The following TEPSIN variants were observed in gnomAD, a reference collection of about 807,000 sequenced individuals.
TEPSIN encodes TEPSIN adaptor related protein complex 4 accessory protein.
A neutral mutation model predicts 48.5 loss-of-function variants in TEPSIN; 50 were observed. That is an observed-to-expected ratio of 1.03 (90% CI 0.82 to 1.31). The LOEUF (loss-of-function observed/expected upper bound fraction) is 1.31. Ranked by LOEUF, TEPSIN falls within the 50% of genes most tolerant of loss-of-function variation. The pLI, the probability that TEPSIN is intolerant of heterozygous loss-of-function variation, is 0.00. For missense variants in TEPSIN, 838 were observed against 815.9 expected (o/e 1.03, Z -0.33); for synonymous variants, 392 against 358.8 (o/e 1.09, Z -1.05).
At position 81,230,478 on chromosome 17, in the gene TEPSIN, G is replaced by T; in HGVS notation, c.1233+66C>A. 1 of 1,585,774 alleles carries T rather than the reference G, an allele frequency of 6.3e-7. No homozygotes were observed. The highest frequency in any genetic ancestry group is 1.1e-5 in the South Asian group (1 of 89,026). ...GCCGGGCAGGGACGGGGTGGCCGTG[G>T]ACTGCAGCGTATCTCCCACTGTACC... On this transcript the variant is annotated intron_variant, in intron 12 of 12. Coordinates refer to ENST00000637944, the MANE Select transcript of TEPSIN (RefSeq NM_001363764.2). This position sits in a 1 kb window ranked among gnomAD's most constrained non-coding sequence, Gnocchi z 4.2.
At chr17:81,238,698 C>T (rs1286490548) in intron 1 of TEPSIN, 2 of 1,209,704 alleles carry the variant, frequency 1.7e-6, no homozygotes, top group Non-Finnish European at 2.1e-6. Flanking sequence ...TCCTTCCCTC[C>T]CGTCGGAGGC....
chr17:81,230,572 G>A lies in TEPSIN; in HGVS notation c.1205C>T (p.Pro402Leu), dbSNP rs749026874. Residue 402 changes from proline to leucine, a missense_variant, in exon 12 of 13, where the codon CCG becomes CTG. Coordinates refer to ENST00000637944, the MANE Select transcript of TEPSIN (RefSeq NM_001363764.2). This position sits in a 1 kb window ranked among gnomAD's most constrained non-coding sequence, Gnocchi z 4.2. ...GGTGGCCTTGTTGGTCACAGGTCCC[G>A]GGCTGCCCATGCTGAGCTCCTGCAG... ...PWLQELSMGS[P>L]GPVTNKATKI... 1.3e-5 allele frequency: 21 copies of A among 1,611,614 alleles called. No individual in the cohort carries two copies. The highest frequency in any genetic ancestry group is 6.6e-5 in the South Asian group (6 of 90,954).
intron 11 of TEPSIN, chr17:81,231,035 G>A (rs569378533): frequency 4.0e-5 from 19 of 478,182 alleles, no homozygotes; most frequent in Admixed American, 2.0e-4. Context: ...TCCTCCGCAC[G>A]CCCCCCGACA....
rs1351525383 is a variant in TEPSIN at position 81,233,155 on chromosome 17, A to G, written c.526+277T>C. 9.3e-6 allele frequency: 5 copies of G among 535,044 alleles called. No individual in the cohort carries two copies. Among genetic ancestry groups the G allele is most frequent in the Non-Finnish European group, 1.7e-5 (5 of 302,802 alleles). 33.1% of individuals were successfully genotyped at this position (535,044 alleles called of 1,614,324 possible). A position where few individuals can be genotyped will look rare whatever the true frequency, so the allele number is the denominator to read the frequency against. ...AGGGGCACAGCCCTCGGCCCCTCTCAGAGTGGGACTCACCCCTGCCACGGG... is the reference window on the plus strand; with the variant it reads ...AGGGGCACAGCCCTCGGCCCCTCTCGGAGTGGGACTCACCCCTGCCACGGG... On this transcript the variant is annotated intron_variant, in intron 7 of 12. Coordinates refer to ENST00000637944, the MANE Select transcript of TEPSIN (RefSeq NM_001363764.2). This position sits in a 1 kb window ranked among gnomAD's most constrained non-coding sequence, Gnocchi z 5.8.
In TEPSIN at chr17:81,230,535, G is replaced by C; in HGVS notation, c.1233+9C>G. On this transcript the variant is annotated intron_variant, in intron 12 of 12. Coordinates refer to ENST00000637944, the MANE Select transcript of TEPSIN (RefSeq NM_001363764.2). This position sits in a 1 kb window ranked among gnomAD's most constrained non-coding sequence, Gnocchi z 4.2. ...CCCCGGTGTGCGTGTGGCCTCCGCAGCTGCCCACCTTGGTGGCCTTGTTGG... is the reference window on the plus strand; with the variant it reads ...CCCCGGTGTGCGTGTGGCCTCCGCACCTGCCCACCTTGGTGGCCTTGTTGG... The C allele has an allele frequency of 1.2e-6, 2 of 1,610,952 alleles. No homozygotes were observed.
rs1168487004 is a variant in TEPSIN at position 81,230,743 on chromosome 17, T to C, written c.1099-65A>G. On this transcript the variant is annotated intron_variant, in intron 11 of 12. Transcript: ENST00000637944. This position sits in a 1 kb window ranked among gnomAD's most constrained non-coding sequence, Gnocchi z 4.2. ...GCAGGTCCACGCCAGGGAGGCCTAT[T>C]TGGCCATCTCTCTCCCTCTTCTTCC... is the stretch of plus-strand genomic sequence containing the variant. 1.4e-6 allele frequency: 2 copies of C among 1,457,952 alleles called. No individual in the cohort carries two copies. The highest frequency in any genetic ancestry group is 1.8e-6 in the Non-Finnish European group (2 of 1,104,132). 90.3% of individuals were successfully genotyped at this position (1,457,952 alleles called of 1,614,324 possible).
intron 4 of TEPSIN, among the ~76,000 whole-genome samples, chr17:81,236,177 C>G (rs1241986723): frequency 6.6e-6 from 1 of 152,226 alleles, no homozygotes; most frequent in Non-Finnish European, 1.5e-5. Flanking sequence ...ACAGCTCCCC[C>G]AGACCCATCT....
rs776132996 is a variant in TEPSIN at position 81,231,807 on chromosome 17, C to T, written c.905+40G>A. 12 of 1,609,102 alleles carry T rather than the reference C, an allele frequency of 7.5e-6. No homozygotes were observed. In the East Asian group the frequency reaches 2.7e-4, roughly 36 times the overall value. On this transcript the variant is annotated intron_variant, in intron 9 of 12. Coordinates refer to ENST00000637944, the MANE Select transcript of TEPSIN (RefSeq NM_001363764.2). ...CGCTGGGAGGGGGACAGTGTGGTGC[C>T]TCCGAGACCTCTCCCACATATCTGG...
chr17:81,232,892 A>G, intron 7 of TEPSIN: 1 of 236,000 alleles, frequency 4.2e-6, no homozygotes, highest in Middle Eastern at 1.3e-3. Flanking sequence ...CCCCGACACC[A>G]AAGTGTCGGC....
chr17:81,231,843 TCA>T lies in TEPSIN; in HGVS notation c.905+2_905+3del. The T allele has an allele frequency of 1.2e-6, 2 of 1,612,700 alleles. No homozygotes were observed. The highest frequency in any genetic ancestry group is 1.7e-6 in the Non-Finnish European group (2 of 1,179,804). ...CTCCCACATATCTGGCAGCTCCCGC[TCA>T]CCTTTCTGCCAGGTCACCCGGCTCC... is the stretch of plus-strand genomic sequence containing the variant. On this transcript the variant is annotated splice_donor_variant and splice_donor_region_variant and intron_variant, in intron 9 of 12. Transcript: ENST00000637944. LOFTEE classifies it high-confidence loss of function.
At position 81,230,459 on chromosome 17, in the gene TEPSIN, C is replaced by A. The variant is rs1183716764; in HGVS notation, c.1233+85G>T. 4.5e-6 allele frequency: 7 copies of A among 1,549,068 alleles called. No homozygotes were observed. Among genetic ancestry groups the A allele is most frequent in the Middle Eastern group, 2.3e-4 (1 of 4,318 alleles). ...CGGGAAGGGCTGACCAGGCGCCGGG[C>A]AGGGACGGGGTGGCCGTGGACTGCA... On this transcript the variant is annotated intron_variant, in intron 12 of 12. Transcript: ENST00000637944. This position sits in a 1 kb window ranked among gnomAD's most constrained non-coding sequence, Gnocchi z 4.2.
At chr17:81,231,353 G>A (rs1388291314) in intron 11 of TEPSIN, 45 bp downstream of exon 11, 4 of 1,486,542 alleles carry the variant, frequency 2.7e-6, no homozygotes, top group Middle Eastern at 2.4e-4. Context: ...ACGCACACAG[G>A]CACATGCACA....
At chr17:81,236,402 C>T (rs141521107) in intron 4 of TEPSIN, among the ~76,000 whole-genome samples, 1,527 of 152,306 alleles carry the variant, frequency 0.01, 11 homozygotes, top group Middle Eastern at 0.037. Context: ...CAAACTGGCA[C>T]CCGGGGCAGC....
rs1053561323 is a variant in TEPSIN at position 81,232,128 on chromosome 17, G to T, written c.731-107C>A. 5.7e-6 allele frequency: 8 copies of T among 1,406,484 alleles called. No homozygotes were observed. In the African/African-American group the frequency reaches 1.0e-4, roughly 18 times the overall value. 87.1% of individuals were successfully genotyped at this position (1,406,484 alleles called of 1,614,324 possible). On this transcript the variant is annotated intron_variant, in intron 8 of 12. Coordinates refer to ENST00000637944, the MANE Select transcript of TEPSIN (RefSeq NM_001363764.2). ...GGCCTCGGGGGCTGAGTCCTGAGCT[G>T]AGGATGGGTGGCCACCTTGGCTCCA...
rs750775538 is a variant in TEPSIN at position 81,230,522 on chromosome 17, T to C, written c.1233+22A>G. ...CTGTACCCTTGGACCCCGGTGTGCG[T>C]GTGGCCTCCGCAGCTGCCCACCTTG... On this transcript the variant is annotated intron_variant, in intron 12 of 12. Coordinates refer to ENST00000637944, the MANE Select transcript of TEPSIN (RefSeq NM_001363764.2). This position sits in a 1 kb window ranked among gnomAD's most constrained non-coding sequence, Gnocchi z 4.2. 2.5e-6 allele frequency: 4 copies of C among 1,609,586 alleles called. No individual in the cohort carries two copies. The highest frequency in any genetic ancestry group is 3.4e-6 in the Non-Finnish European group (4 of 1,178,996).
Position 81,231,461 on chromosome 17 carries a change from G to T in TEPSIN, c.1035C>A (p.Asn345Lys). 1 of 1,569,556 alleles carries T rather than the reference G, an allele frequency of 6.4e-7. No homozygotes were observed. Residue 345 changes from asparagine (N) to lysine (K), a missense_variant, in exon 11 of 13, where the codon AAC (asparagine) becomes AAA (lysine). Asn to Lys is a moderately conservative substitution (Grantham distance 94). Coordinates refer to ENST00000637944, the MANE Select transcript of TEPSIN (RefSeq NM_001363764.2). ...QHFIKACGLL[N>K]CEAVLQLLTC... ...TCAGCAGCTGCAGCACGGCCTCACA[G>T]TTGAGCAGTCCACACCTGCACAGAG...
In TEPSIN at chr17:81,231,559, C is replaced by T. The variant is rs772419855; in HGVS notation, c.1019+19G>A. The T allele has an allele frequency of 2.1e-5, 34 of 1,605,988 alleles. No individual in the cohort carries two copies. The highest frequency in any genetic ancestry group is 2.5e-5 in the Non-Finnish European group (30 of 1,176,672). ...CGGTTGGGGCTGAGGCAGAGCAGGG[C>T]GGGTCCGGGCGCACTCACGCTTTGA... is the stretch of plus-strand genomic sequence containing the variant. On this transcript the variant is annotated intron_variant, in intron 10 of 12. Coordinates refer to ENST00000637944, the MANE Select transcript of TEPSIN (RefSeq NM_001363764.2).
intron 12 of TEPSIN, chr17:81,229,766 C>T (rs562359643): frequency 3.8e-5 from 18 of 472,958 alleles, no homozygotes; most frequent in Middle Eastern, 5.4e-4. Context: ...CGTCATAACC[C>T]GCCAGGCACT....
rs186718367 is a variant in TEPSIN, at chr17:81,231,810, C to T, written c.905+37G>A. 2.2e-4 allele frequency: 352 copies of T among 1,609,470 alleles called. No individual in the cohort carries two copies. The East Asian group carries it at 3.7e-3, about 17-fold the overall frequency. On this transcript the variant is annotated intron_variant, in intron 9 of 12. Transcript: ENST00000637944. ...TGGGAGGGGGACAGTGTGGTGCCTC[C>T]GAGACCTCTCCCACATATCTGGCAG...
Sources: allele counts gnomAD v4.1 joint callset (sites outside exome capture counted in the v4.1 genomes callset), GRCh38; gene constraint gnomAD v4.1.1; non-coding constraint Gnocchi (gnomAD v3.1); transcripts MANE v1.5; gene names NCBI Gene and HGNC (gene_info 2026-07-23, HGNC 2026-07-21).